SFRP2: variants seen among roughly 807,000 people sequenced by gnomAD.
SFRP2 encodes the protein secreted frizzled related protein 2.
A neutral mutation model predicts 26.0 loss-of-function variants in SFRP2; 16 were observed. The observed-to-expected ratio is 0.61, with a 90% CI of 0.42 to 0.93. The LOEUF (loss-of-function observed/expected upper bound fraction) is 0.93, where lower values mean the gene tolerates loss of function less well. Among genes scored for constraint, SFRP2 ranks in the 40% least tolerant of loss-of-function variants. SFRP2 has a pLI of 0.00. For missense variants in SFRP2, 343 were observed against 392.4 expected (o/e 0.87, Z 1.06); for synonymous variants, 173 against 167.3 (o/e 1.03, Z -0.26).
chr4:153,782,756 T>C lies in SFRP2; in HGVS notation c.584-1001A>G, dbSNP rs111422265. 5.9e-3 allele frequency among the ~76,000 whole-genome samples: 897 copies of C among 152,342 alleles called. 5 individuals are homozygous for C. Among genetic ancestry groups the C allele is most frequent in the Non-Finnish European group, 7.7e-3 (521 of 68,030 alleles). On this transcript the variant is annotated intron_variant, in intron 2 of 2. Coordinates refer to ENST00000274063, the MANE Select transcript of SFRP2 (RefSeq NM_003013.3). Reference sequence around the variant, plus strand: ...GAACTCCAGTTGCCAAACCTCCTCCTGTAATACCACTGTGGTGTCTTGAGG... The same window carrying C: ...GAACTCCAGTTGCCAAACCTCCTCCCGTAATACCACTGTGGTGTCTTGAGG...
rs767751716 is a variant in SFRP2, at chr4:153,788,638, G to C, written c.198C>G (p.His66Gln). ...GCTCCAGCACCTCCTTCATGGTCTC[G>C]TGGCCCAGCAGGTTGGGCAGCCGCA... ...QNMRLPNLLGHETMKEVLEQA... is the reference protein window; with the variant it reads ...QNMRLPNLLGQETMKEVLEQA... The change falls in exon 1 of 3, where the codon CAC (histidine) becomes CAG (glutamine). Residue 66 changes from histidine (H) to glutamine (Q), a missense_variant. Physicochemically the swap from His to Gln is conservative, Grantham distance 24 (BLOSUM62 0). Around this residue, in one of 2 missense-constraint regions of SFRP2, gnomAD observed 251 missense variants for 253.3 expected, o/e 0.99. Coordinates refer to ENST00000274063, the MANE Select transcript of SFRP2 (RefSeq NM_003013.3). 1.2e-6 allele frequency: 2 copies of C among 1,614,160 alleles called. No homozygotes were observed. The highest frequency in any genetic ancestry group is 1.7e-6 in the Non-Finnish European group (2 of 1,180,026).
In SFRP2 at chr4:153,788,532, C is replaced by T. The variant is rs1366672257; in HGVS notation, c.304G>A (p.Val102Ile). The T allele has an allele frequency of 1.2e-6, 2 of 1,613,976 alleles. No homozygotes were observed. The highest frequency in any genetic ancestry group is 1.7e-5 in the Admixed American group (1 of 60,000). ...KKFLCSLFAP[V>I]CLDDLDETIQ... is the part of the protein sequence containing the mutation. Reference sequence around the variant, plus strand: ...GTCTCGTCTAGGTCATCGAGGCAGACGGGGGCGAAGAGCGAGCACAGGAAC... The same window carrying T: ...GTCTCGTCTAGGTCATCGAGGCAGATGGGGGCGAAGAGCGAGCACAGGAAC... The change falls in exon 1 of 3, where the codon GTC becomes ATC. Residue 102 changes from valine (V) to isoleucine (I), a missense_variant. Physicochemically the swap from Val to Ile is conservative, Grantham distance 29 (BLOSUM62 3). Around this residue, in one of 2 missense-constraint regions of SFRP2, gnomAD observed 251 missense variants for 253.3 expected, o/e 0.99. Transcript: ENST00000274063.
intron 2 of SFRP2, among the ~76,000 whole-genome samples, chr4:153,783,327 T>C (rs961134253): frequency 6.6e-6 from 1 of 152,226 alleles, no homozygotes; most frequent in Non-Finnish European, 1.5e-5. Context: ...AGATTTCACC[T>C]GGCCAAATGA....
At chr4:153,786,563 A>C (rs774813436) in intron 1 of SFRP2, among the ~76,000 whole-genome samples, 10 of 152,092 alleles carry the variant, frequency 6.6e-5, no homozygotes, top group Non-Finnish European at 1.2e-4. Context: ...CACTAATTAC[A>C]ACAGCCTGCT....
At position 153,789,027 on chromosome 4, in the gene SFRP2, C is replaced by A. The variant is rs991152520; in HGVS notation, c.-192G>T. Reference sequence around the variant, plus strand: ...CAGCGCGGGCGAGGCGCTGCAAGCCCGCGCGCAGCTCCGGGGGGCTCCGAC... The same window carrying A: ...CAGCGCGGGCGAGGCGCTGCAAGCCAGCGCGCAGCTCCGGGGGGCTCCGAC... On this transcript the variant is annotated 5_prime_UTR_variant, in exon 1 of 3. Coordinates refer to ENST00000274063, the MANE Select transcript of SFRP2 (RefSeq NM_003013.3). 1.7e-6 allele frequency: 1 copy of A among 575,530 alleles called. No homozygotes were observed. The allele number at this position is 575,530 out of a possible 1,614,324, so 35.7% of individuals were successfully genotyped here.
chr4:153,788,349 G>T lies in SFRP2; in HGVS notation c.487C>A (p.Pro163Thr). 2.5e-6 allele frequency: 4 copies of T among 1,610,482 alleles called. No individual in the cohort carries two copies. Among genetic ancestry groups the T allele is most frequent in the Non-Finnish European group, 3.4e-6 (4 of 1,177,756 alleles). The change falls in exon 1 of 3, where the codon CCA becomes ACA. Residue 163 changes from proline (P) to threonine (T), a missense_variant. Transcript: ENST00000274063. ...IPLASSDHLL[P>T]ATEEAPKVCE... ...GAAGGCTTACCTTCCTCGGTGGCTG[G>T]CAGGAGGTGGTCGCTGCTAGCGAGG...
chr4:153,786,279 C>T (rs1425803006), intron 1 of SFRP2, among the ~76,000 whole-genome samples: 1 of 152,204 alleles, frequency 6.6e-6, no homozygotes, highest in Non-Finnish European at 1.5e-5. Flanking sequence ...CTTTTCAGCT[C>T]ATCCTCCCAA....
chr4:153,788,770 C>G lies in SFRP2; in HGVS notation c.66G>C (p.Ala22=), dbSNP rs4075422. The change falls in exon 1 of 3, where the codon GCG becomes GCC. Residue 22 remains alanine, a synonymous_variant. Transcript: ENST00000274063. ...GCTGGCCAAAGAGGAAGAGCCCGCGCGCCGAGCCCAGGCAGCAGTGCGAGG... is the reference window on the plus strand; with the variant it reads ...GCTGGCCAAAGAGGAAGAGCCCGCGGGCCGAGCCCAGGCAGCAGTGCGAGG... ...FLASHCCLGS[A]RGLFLFGQPD... The G allele has an allele frequency of 2.4e-5, 39 of 1,610,922 alleles. No individual in the cohort carries two copies. The highest frequency in any genetic ancestry group is 3.1e-5 in the Non-Finnish European group (36 of 1,179,954).
At chr4:153,784,774 C>T (rs1475997321) in intron 2 of SFRP2, among the ~76,000 whole-genome samples, 2 of 152,212 alleles carry the variant, frequency 1.3e-5, no homozygotes, top group African/African-American at 4.8e-5. Flanking sequence ...GGGAACATAT[C>T]TGCTTATGAG....
Position 153,788,939 on chromosome 4 carries a change from C to T in SFRP2, c.-104G>A. 1 of 1,350,814 alleles carries T rather than the reference C, an allele frequency of 7.4e-7. No homozygotes were observed. Among genetic ancestry groups the T allele is most frequent in the Non-Finnish European group, 9.7e-7 (1 of 1,034,768 alleles). The allele number at this position is 1,350,814 out of a possible 1,614,324, so 83.7% of individuals were successfully genotyped here. On this transcript the variant is annotated 5_prime_UTR_variant, in exon 1 of 3. Coordinates refer to ENST00000274063, the MANE Select transcript of SFRP2 (RefSeq NM_003013.3). ...GGCCCGCTCTCTTCGCTGGGTGCGA[C>T]TCGGGGCCCCGAAAAGCTGGCAGCC... is the stretch of plus-strand genomic sequence containing the variant.
chr4:153,788,901 C>G lies in SFRP2; in HGVS notation c.-66G>C. 1 of 1,465,458 alleles carries G rather than the reference C, an allele frequency of 6.8e-7. No homozygotes were observed. Among genetic ancestry groups the G allele is most frequent in the Non-Finnish European group, 9.0e-7 (1 of 1,111,204 alleles). The allele number at this position is 1,465,458 out of a possible 1,614,324, so 90.8% of individuals were successfully genotyped here. A position where few individuals can be genotyped will look rare whatever the true frequency, so the allele number is the denominator to read the frequency against. ...GGGGAAGGGCGAGGCGGCCGGAGTT[C>G]GAGCTTGTCCCGGGCCCGCTCTCTT... On this transcript the variant is annotated 5_prime_UTR_variant, in exon 1 of 3. Transcript: ENST00000274063.
In SFRP2 at chr4:153,781,256, A is replaced by G; in HGVS notation, c.*195T>C. The G allele has an allele frequency of 1.8e-6, 1 of 562,250 alleles. No homozygotes were observed. Among genetic ancestry groups the G allele is most frequent in the East Asian group, 2.8e-5 (1 of 35,564 alleles). The allele number at this position is 562,250 out of a possible 1,614,324, so 34.8% of individuals were successfully genotyped here. ...CGGGTGGGCTTTTCCTTTAGGTGAA[A>G]ACAGCTATCCACTCCTGTGGCCTTA... On this transcript the variant is annotated 3_prime_UTR_variant, in exon 3 of 3. Transcript: ENST00000274063.
chr4:153,787,785 T>C (rs980810481), intron 1 of SFRP2, among the ~76,000 whole-genome samples: 2 of 152,364 alleles, frequency 1.3e-5, no homozygotes, highest in Middle Eastern at 3.4e-3. Flanking sequence ...AAAATCTAAA[T>C]TGACAAAGGA....
Position 153,781,660 on chromosome 4 carries a change from CA to C in SFRP2, c.678del (p.Val227CysfsTer6). On this transcript the variant is annotated frameshift_variant, in exon 3 of 3. Transcript: ENST00000274063. LOFTEE classifies it high-confidence loss of function. Reference sequence around the variant, plus strand: ...GATTTCTTCAGGTCCCTTTCGGACACACCGTTCAGCTTGTAAATGGTCTTGC... The same window carrying C: ...GATTTCTTCAGGTCCCTTTCGGACACCCGTTCAGCTTGTAAATGGTCTTGC... ...TKSKTIYKLN[G>X]VSERDLKKSV... The C allele has an allele frequency of 6.2e-7, 1 of 1,614,132 alleles. No individual in the cohort carries two copies. Among genetic ancestry groups the C allele is most frequent in the East Asian group, 2.2e-5 (1 of 44,878 alleles).
At position 153,788,886 on chromosome 4, in the gene SFRP2, G is replaced by A. The variant is rs1056648869; in HGVS notation, c.-51C>T. 2 of 1,487,854 alleles carry A rather than the reference G, an allele frequency of 1.3e-6. No homozygotes were observed. The highest frequency in any genetic ancestry group is 1.4e-5 in the African/African-American group (1 of 71,954). 92.2% of individuals were successfully genotyped at this position (1,487,854 alleles called of 1,614,324 possible). On this transcript the variant is annotated 5_prime_UTR_variant, in exon 1 of 3. Transcript: ENST00000274063. ...AGAGGGAGCGGAGCCGGGGAAGGGC[G>A]AGGCGGCCGGAGTTCGAGCTTGTCC... is the stretch of plus-strand genomic sequence containing the variant.
chr4:153,784,289 A>G (rs889987442), intron 2 of SFRP2, among the ~76,000 whole-genome samples: 4 of 152,248 alleles, frequency 2.6e-5, no homozygotes, highest in Non-Finnish European at 4.4e-5. Flanking sequence ...GTGATGTAGC[A>G]TGGGGGCTGA....
At chr4:153,786,949 C>T (rs1468533067) in intron 1 of SFRP2, among the ~76,000 whole-genome samples, 3 of 151,490 alleles carry the variant, frequency 2.0e-5, no homozygotes, top group African/African-American at 4.9e-5. Context: ...ATGAGATTTT[C>T]ACTAATGTGA....
chr4:153,781,359 A>T lies in SFRP2; in HGVS notation c.*92T>A. The T allele has an allele frequency of 8.5e-7, 1 of 1,173,658 alleles. No individual in the cohort carries two copies. The highest frequency in any genetic ancestry group is 1.2e-6 in the Non-Finnish European group (1 of 813,568). 72.7% of individuals were successfully genotyped at this position (1,173,658 alleles called of 1,614,324 possible). ...CCAGGCTGAGACTGGAGCAGCTAGGAGTGTGCTTGGGGAACGGGAGCTGAG... is the reference window on the plus strand; with the variant it reads ...CCAGGCTGAGACTGGAGCAGCTAGGTGTGTGCTTGGGGAACGGGAGCTGAG... On this transcript the variant is annotated 3_prime_UTR_variant, in exon 3 of 3. Coordinates refer to ENST00000274063, the MANE Select transcript of SFRP2 (RefSeq NM_003013.3).
chr4:153,785,767 C>G (rs758202491), intron 2 of SFRP2, 97 bp downstream of exon 2: 12 of 777,030 alleles, frequency 1.5e-5, no homozygotes, highest in Non-Finnish European at 2.2e-5. Context: ...TTTACCCAAC[C>G]TTTATCTAGC....
Sources: allele counts gnomAD v4.1 joint callset (sites outside exome capture counted in the v4.1 genomes callset), GRCh38; gene constraint gnomAD v4.1.1; regional missense constraint gnomAD v4.1.1; transcripts MANE v1.5; gene names NCBI Gene and HGNC (gene_info 2026-07-23, HGNC 2026-07-21).